PRKN: variants seen among roughly 807,000 people sequenced by gnomAD.
PRKN encodes the protein parkin RBR E3 ubiquitin protein ligase.
A neutral mutation model predicts 59.5 loss-of-function variants in PRKN; 56 were observed. The ratio of observed to expected loss-of-function variants is 0.94; its 90% CI spans 0.76 to 1.18. The LOEUF is 1.18. Among genes scored for constraint, PRKN ranks in the 50% most tolerant of loss-of-function variants. PRKN has a pLI of 0.00. For synonymous variants in PRKN, 250 were observed against 222.1 expected, an observed-to-expected ratio of 1.13 and a Z score of -1.12; for missense variants, 657 against 596.4, an observed-to-expected ratio of 1.10 and a Z score of -1.06.
intron 1 of PRKN, among the ~76,000 whole-genome samples, chr6:162,596,012 A>G (rs796668400): frequency 2.6e-5 from 4 of 152,034 alleles, no homozygotes; most frequent in African/African-American, 9.7e-5. Flanking sequence ...ATCTGGTGAA[A>G]AAAAAAAATT....
chr6:161,654,392 G>A (rs1214046613), intron 7 of PRKN, among the ~76,000 whole-genome samples: 1 of 152,110 alleles, frequency 6.6e-6, no homozygotes, highest in African/African-American at 2.4e-5. Context: ...GGGGAGCAAA[G>A]GCCACTTCCG....
intron 7 of PRKN, among the ~76,000 whole-genome samples, chr6:161,661,692 T>C (rs1784552591): frequency 6.6e-6 from 1 of 152,184 alleles, no homozygotes; most frequent in Non-Finnish European, 1.5e-5. Flanking sequence ...CATCAACATC[T>C]AGAACAGTGC....
Position 161,471,355 on chromosome 6 carries a change from T to C in PRKN, c.1083+77499A>G, listed in dbSNP as rs2115193455. ...ATATACACCTACGTAAGCAGCTTTA[T>C]AATAAGAAAATATTTGTTTATGAAT... On this transcript the variant is annotated intron_variant, in intron 9 of 11. Transcript: ENST00000366898. This position sits in a 1 kb window ranked among gnomAD's most constrained non-coding sequence, Gnocchi z 4.5. Among the ~76,000 whole-genome samples, 1 of 152,332 alleles carries C rather than the reference T, an allele frequency of 6.6e-6. No individual in the cohort carries two copies. Among genetic ancestry groups the C allele is most frequent in the South Asian group, 2.1e-4 (1 of 4,818 alleles).
At chr6:161,717,847 A>G (rs536910091) in intron 7 of PRKN, among the ~76,000 whole-genome samples, 1 of 152,240 alleles carries the variant, frequency 6.6e-6, no homozygotes, top group Admixed American at 6.5e-5. Context: ...GCCCGCTTCC[A>G]TCCCGCTGTG....
chr6:162,041,924 A>AAACAAGTG (rs1487710747), intron 5 of PRKN, among the ~76,000 whole-genome samples: 1 of 152,026 alleles, frequency 6.6e-6, no homozygotes, highest in East Asian at 1.9e-4. Context: ...CCACTTGTTT[A>AAACAAGTG]GAACAGTTCT....
chr6:162,493,738 C>A (rs1583666677), intron 1 of PRKN, among the ~76,000 whole-genome samples: 1 of 152,254 alleles, frequency 6.6e-6, no homozygotes, highest in East Asian at 1.9e-4. Flanking sequence ...ACCACTCCTT[C>A]CATAAGGAAG....
chr6:162,674,574 C>T lies in PRKN; in HGVS notation c.7+53088G>A, dbSNP rs183357607. Among the ~76,000 whole-genome samples, 129 of 152,216 alleles carry T rather than the reference C, an allele frequency of 8.5e-4. No homozygotes were observed. The East Asian group carries it at 9.8e-3, about 12-fold the overall frequency. On this transcript the variant is annotated intron_variant, in intron 1 of 11. Coordinates refer to ENST00000366898, the MANE Select transcript of PRKN (RefSeq NM_004562.3). Reference sequence around the variant, plus strand: ...GTTGAACACTGTGTGATAGGATGCTCGTGGAACTGTGACAGAAAACAAAAT... The same window carrying T: ...GTTGAACACTGTGTGATAGGATGCTTGTGGAACTGTGACAGAAAACAAAAT...
In PRKN at chr6:162,019,733, A is replaced by G. The variant is rs370860332; in HGVS notation, c.618+34358T>C. On this transcript the variant is annotated intron_variant, in intron 5 of 11. Transcript: ENST00000366898. ...TGCTAGATAACTTTATGTATTAAAA[A>G]TCATGGCTGGGTATGGTGGTCACGC... is the stretch of plus-strand genomic sequence containing the variant. 2.0e-5 allele frequency among the ~76,000 whole-genome samples: 3 copies of G among 152,136 alleles called. No individual in the cohort carries two copies. In the East Asian group the frequency reaches 5.8e-4, roughly 29 times the overall value.
chr6:162,568,585 A>T, intron 1 of PRKN: 1 of 850,356 alleles, frequency 1.2e-6, no homozygotes, highest in Non-Finnish European at 2.0e-6. Flanking sequence ...GAGAAGGAGA[A>T]GGAGCAGATC....
intron 3 of PRKN, among the ~76,000 whole-genome samples, chr6:162,213,890 A>G (rs2128076052): frequency 6.6e-6 from 1 of 150,392 alleles, no homozygotes; most frequent in Admixed American, 6.6e-5. Context: ...AGAGTCTTAT[A>G]TTGAAAGTTC....
intron 1 of PRKN, among the ~76,000 whole-genome samples, chr6:162,650,827 A>C (rs985789015): frequency 6.6e-6 from 1 of 152,156 alleles, no homozygotes; most frequent in African/African-American, 2.4e-5. Flanking sequence ...CTCACAGTGA[A>C]GATGATCTAT....
intron 5 of PRKN, among the ~76,000 whole-genome samples, chr6:162,001,361 A>G (rs1782048562): frequency 6.6e-6 from 1 of 152,018 alleles, no homozygotes; most frequent in Non-Finnish European, 1.5e-5. Context: ...CAGTTTTGTT[A>G]GTTTACCTAA....
chr6:161,626,853 A>G (rs1783109928), intron 7 of PRKN, among the ~76,000 whole-genome samples: 1 of 152,220 alleles, frequency 6.6e-6, no homozygotes, highest in South Asian at 2.1e-4. Context: ...ACACTTGTGG[A>G]TAATTAACAT....
chr6:162,346,020 T>C (rs1784388403), intron 2 of PRKN, among the ~76,000 whole-genome samples: 1 of 152,154 alleles, frequency 6.6e-6, no homozygotes, highest in South Asian at 2.1e-4. Flanking sequence ...GCTCTTGCCC[T>C]CTGCCATGTT....
intron 2 of PRKN, among the ~76,000 whole-genome samples, chr6:162,291,362 A>G (rs1781420124): frequency 7.1e-6 from 1 of 140,634 alleles, no homozygotes; most frequent in African/African-American, 2.7e-5. Flanking sequence ...TTATGAACCA[A>G]CTCTGGTACT....
At chr6:162,689,227 G>A (rs1450153557) in intron 1 of PRKN, among the ~76,000 whole-genome samples, 2 of 152,094 alleles carry the variant, frequency 1.3e-5, no homozygotes, top group Non-Finnish European at 2.9e-5. Flanking sequence ...TCACAACAGG[G>A]GCATTACTCA....
At chr6:162,116,084 C>A (rs886846002) in intron 4 of PRKN, among the ~76,000 whole-genome samples, 21 of 152,182 alleles carry the variant, frequency 1.4e-4, no homozygotes, top group Non-Finnish European at 2.8e-4. Context: ...ATCAAATTTA[C>A]CCTTCAGCAA....
intron 2 of PRKN, among the ~76,000 whole-genome samples, chr6:162,427,874 T>C (rs1474349296): frequency 6.6e-6 from 1 of 152,132 alleles, no homozygotes; most frequent in East Asian, 1.9e-4. Context: ...TATAAAAACA[T>C]AGTTGATAAT....
chr6:162,075,316 T>C, intron 4 of PRKN, among the ~76,000 whole-genome samples: 1 of 152,178 alleles, frequency 6.6e-6, no homozygotes, highest in East Asian at 1.9e-4. Context: ...AGAAGTTTAT[T>C]AGATTTCTAG....
Sources: gnomAD v4.1 joint callset for allele counts (sites outside exome capture counted in the v4.1 genomes callset) on GRCh38, gnomAD v4.1.1 for gene constraint, Gnocchi (gnomAD v3.1) non-coding constraint, MANE v1.5 for transcripts, NCBI Gene and HGNC (gene_info 2026-07-23, HGNC 2026-07-21) for gene names.